SV2B: variants seen among roughly 807,000 people sequenced by gnomAD.
SV2B encodes synaptic vesicle glycoprotein 2B, also known as solute carrier family 22 member B2.
A neutral mutation model predicts 73.9 loss-of-function variants in SV2B; 41 were observed. The observed-to-expected ratio is 0.56, with a 90% CI of 0.43 to 0.72. The LOEUF is 0.72. Among genes scored for constraint, SV2B ranks in the 30% least tolerant of loss-of-function variants. The pLI, the probability that SV2B is intolerant of heterozygous loss-of-function variation, is 0.00. For synonymous variants in SV2B, 314 were observed against 314.2 expected, an observed-to-expected ratio of 1.00 and a Z score of 0.01; for missense variants, 764 against 857.8, an observed-to-expected ratio of 0.89 and a Z score of 1.37.
chr15:91,181,171 T>G (rs1048765699), intron 1 of SV2B, among the ~76,000 whole-genome samples: 3 of 152,236 alleles, frequency 2.0e-5, no homozygotes, highest in African/African-American at 7.2e-5. Context: ...CAGACCCTGT[T>G]TGCCTGGGTT....
Position 91,258,189 on chromosome 15 carries a change from G to A in SV2B, c.785-232G>A, listed in dbSNP as rs139230776. Among the ~76,000 whole-genome samples the A allele has an allele frequency of 3.9e-4, 60 of 152,336 alleles. No homozygotes were observed. Among genetic ancestry groups the A allele is most frequent in the African/African-American group, 1.3e-3 (56 of 41,564 alleles). On this transcript the variant is annotated intron_variant, in intron 4 of 12. Coordinates refer to ENST00000394232, the MANE Select transcript of SV2B (RefSeq NM_001323032.3). The surrounding 1 kb of genome is among the most constrained non-coding windows in gnomAD (Gnocchi z 4.7). ...AGAATTCCTGGGGATTTGTCAGAAT[G>A]CAGAATTTGCAATGTGAGAAATATC...
At chr15:91,169,428 C>T (rs569017969) in intron 1 of SV2B, among the ~76,000 whole-genome samples, 36 of 150,040 alleles carry the variant, frequency 2.4e-4, no homozygotes, top group African/African-American at 7.6e-4. Context: ...CCCCCCCATC[C>T]CCCACCCCCA....
rs2045288914 is a variant in SV2B, at chr15:91,197,426, G to A, written c.-391-28447G>A. On this transcript the variant is annotated intron_variant, in intron 1 of 12. Transcript: ENST00000394232. This position sits in a 1 kb window ranked among gnomAD's most constrained non-coding sequence, Gnocchi z 4.9. ...TTTTGTAGAGATGGGGTTTCTCCAT[G>A]TTGGTCAGGCTGGTCTCAAACTCCC... 6.6e-6 allele frequency among the ~76,000 whole-genome samples: 1 copy of A among 151,612 alleles called. No individual in the cohort carries two copies. Among genetic ancestry groups the A allele is most frequent in the Non-Finnish European group, 1.5e-5 (1 of 67,922 alleles).
At position 91,129,128 on chromosome 15, in the gene SV2B, C is replaced by T. The variant is rs144592296; in HGVS notation, c.-392+28765C>T. Among the ~76,000 whole-genome samples the T allele has an allele frequency of 3.5e-3, 540 of 152,242 alleles. 2 individuals carry two copies. The highest frequency in any genetic ancestry group is 0.017 in the Middle Eastern group (5 of 294). ...CCTTTCAAACAGGAGTGAAATAATC[C>T]CAGCGACAGCGTATGTGTGAGATCC... On this transcript the variant is annotated intron_variant, in intron 1 of 12. Transcript: ENST00000394232. The surrounding 1 kb of genome is among the most constrained non-coding windows in gnomAD (Gnocchi z 5.1).
chr15:91,268,646 A>T lies in SV2B; in HGVS notation c.1373+41A>T. 1 of 1,592,374 alleles carries T rather than the reference A, an allele frequency of 6.3e-7. No individual in the cohort carries two copies. The highest frequency in any genetic ancestry group is 8.6e-7 in the Non-Finnish European group (1 of 1,164,256). ...CGGGCTTCCCTCACATCAGGGTGAC[A>T]GTCGTGGGGACTGTTATTGGGAGGG... On this transcript the variant is annotated intron_variant, in intron 9 of 12. Coordinates refer to ENST00000394232, the MANE Select transcript of SV2B (RefSeq NM_001323032.3). This position sits in a 1 kb window ranked among gnomAD's most constrained non-coding sequence, Gnocchi z 4.4.
intron 1 of SV2B, among the ~76,000 whole-genome samples, chr15:91,195,107 GC>G (rs1166008938): frequency 6.6e-6 from 1 of 152,166 alleles, no homozygotes; most frequent in Non-Finnish European, 1.5e-5. Context: ...AACCTAGCCT[GC>G]CCTGGCTGAT....
rs117327797 is a variant in SV2B, at chr15:91,160,087, C to T, written c.-392+59724C>T. On this transcript the variant is annotated intron_variant, in intron 1 of 12. Coordinates refer to ENST00000394232, the MANE Select transcript of SV2B (RefSeq NM_001323032.3). ...GTTCCCAAAGTAATATATGAAAGGA[C>T]GTGCCATGTTCCTGGATGGAAGATT... Among the ~76,000 whole-genome samples, 26 of 152,162 alleles carry T rather than the reference C, an allele frequency of 1.7e-4. No individual in the cohort carries two copies. In the East Asian group the frequency reaches 4.0e-3, roughly 24 times the overall value.
At position 91,141,479 on chromosome 15, in the gene SV2B, G is replaced by A. The variant is rs1489832391; in HGVS notation, c.-392+41116G>A. On this transcript the variant is annotated intron_variant, in intron 1 of 12. Coordinates refer to ENST00000394232, the MANE Select transcript of SV2B (RefSeq NM_001323032.3). The surrounding 1 kb of genome is among the most constrained non-coding windows in gnomAD (Gnocchi z 4.6). ...CTGGTCAAGGGTGGAGAGAGGTTCC[G>A]CTTTGAGGGCCAGCTCTGCCACTTA... Among the ~76,000 whole-genome samples, 2 of 152,242 alleles carry A rather than the reference G, an allele frequency of 1.3e-5. No homozygotes were observed. Among genetic ancestry groups the A allele is most frequent in the Admixed American group, 6.5e-5 (1 of 15,296 alleles).
In SV2B at chr15:91,299,532, T is replaced by C. The variant is rs1309760650; in HGVS notation, c.*6980T>C. ...ATTGGTAGAGTGCATTGCTGAGTTA[T>C]AACAAGTGTCTCAGGACGAGGATAT... is the stretch of plus-strand genomic sequence containing the variant. On this transcript the variant is annotated 3_prime_UTR_variant, in exon 13 of 13. Transcript: ENST00000394232. 6.6e-6 allele frequency: 1 copy of C among 152,224 alleles called. No individual in the cohort carries two copies. Among genetic ancestry groups the C allele is most frequent in the Admixed American group, 6.5e-5 (1 of 15,284 alleles). The allele number at this position is 152,224 out of a possible 1,614,324, so 9.4% of individuals were successfully genotyped here. A position where few individuals can be genotyped will look rare whatever the true frequency, so the allele number is the denominator to read the frequency against.
intron 1 of SV2B, among the ~76,000 whole-genome samples, chr15:91,210,864 A>G (rs2045829749): frequency 1.3e-5 from 2 of 152,214 alleles, no homozygotes; most frequent in Admixed American, 1.3e-4. Flanking sequence ...TCTTAGGCTT[A>G]TTAAAATATC....
At chr15:91,151,654 G>A (rs2043315905) in intron 1 of SV2B, among the ~76,000 whole-genome samples, 1 of 152,138 alleles carries the variant, frequency 6.6e-6, no homozygotes, top group Admixed American at 6.5e-5. Flanking sequence ...GGTATAGAGG[G>A]GTCTGGACTG....
Position 91,231,266 on chromosome 15 carries a change from G to C in SV2B, c.451+4552G>C, listed in dbSNP as rs1044798191. ...TTGATTCCACTGGTAGTGGAGAGCT[G>C]TTTAATGGGGAGCTATGAAATATGC... is the stretch of plus-strand genomic sequence containing the variant. On this transcript the variant is annotated intron_variant, in intron 2 of 12. Coordinates refer to ENST00000394232, the MANE Select transcript of SV2B (RefSeq NM_001323032.3). This position sits in a 1 kb window ranked among gnomAD's most constrained non-coding sequence, Gnocchi z 4.5. 6.6e-6 allele frequency among the ~76,000 whole-genome samples: 1 copy of C among 152,124 alleles called. No individual in the cohort carries two copies. Among genetic ancestry groups the C allele is most frequent in the African/African-American group, 2.4e-5 (1 of 41,424 alleles).
chr15:91,244,791 T>C (rs1043178462), intron 2 of SV2B, among the ~76,000 whole-genome samples: 4 of 152,192 alleles, frequency 2.6e-5, no homozygotes, highest in African/African-American at 9.7e-5. Flanking sequence ...ATAAATGGAA[T>C]GGAAATGACA....
intron 1 of SV2B, among the ~76,000 whole-genome samples, chr15:91,225,241 A>G (rs2046334577): frequency 6.6e-6 from 1 of 152,258 alleles, no homozygotes; most frequent in Non-Finnish European, 1.5e-5. Context: ...ATATGAGGAC[A>G]GAGTGGCCTT....
chr15:91,127,473 A>C (rs1331881911), intron 1 of SV2B, among the ~76,000 whole-genome samples: 1 of 152,014 alleles, frequency 6.6e-6, no homozygotes, highest in East Asian at 1.9e-4. Context: ...CACTGACGGC[A>C]CTGTCCGGCC....
chr15:91,194,707 C>A (rs1435891024), intron 1 of SV2B, among the ~76,000 whole-genome samples: 2 of 152,226 alleles, frequency 1.3e-5, no homozygotes, highest in East Asian at 3.8e-4. Context: ...GGACAACTCA[C>A]TGACTTCAAC....
chr15:91,277,604 G>A (rs1388293037), intron 9 of SV2B, among the ~76,000 whole-genome samples: 1 of 152,146 alleles, frequency 6.6e-6, no homozygotes, highest in Admixed American at 6.5e-5. Context: ...TAATGCATTT[G>A]GAATTTATCC....
intron 1 of SV2B, among the ~76,000 whole-genome samples, chr15:91,103,855 T>C (rs2041806047): frequency 6.6e-6 from 1 of 152,200 alleles, no homozygotes; most frequent in Non-Finnish European, 1.5e-5. Context: ...CTTTTAGTAT[T>C]GCTGCCTCAG....
At chr15:91,274,204 A>G (rs1378106576) in intron 9 of SV2B, among the ~76,000 whole-genome samples, 2 of 152,228 alleles carry the variant, frequency 1.3e-5, no homozygotes, top group African/African-American at 4.8e-5. Flanking sequence ...TTTCTAGGCT[A>G]TGTACCTAGA....
Sources: allele counts gnomAD v4.1 joint callset (sites outside exome capture counted in the v4.1 genomes callset), GRCh38; gene constraint gnomAD v4.1.1; non-coding constraint Gnocchi (gnomAD v3.1); transcripts MANE v1.5; gene names NCBI Gene and HGNC (gene_info 2026-07-23, HGNC 2026-07-21).